CSMD1: variants seen among roughly 807,000 people sequenced by gnomAD.
The protein encoded by CSMD1 is CUB and Sushi multiple domains 1.
In CSMD1, 213 loss-of-function variants were observed where a neutral mutation model predicts 417.5. That is an observed-to-expected ratio of 0.51 (90% CI 0.46 to 0.57). The LOEUF (loss-of-function observed/expected upper bound fraction) is 0.57. Ranked by LOEUF, CSMD1 falls within the 20% of genes least tolerant of loss-of-function variation. CSMD1 has a pLI of 0.00. For synonymous variants in CSMD1, 2,862 were observed against 1,736.8 expected, an observed-to-expected ratio of 1.65 and a Z score of -16.11; for missense variants, 6,923 against 4,529.7, an observed-to-expected ratio of 1.53 and a Z score of -15.17.
At position 3,387,639 on chromosome 8, in the gene CSMD1, A is replaced by C; in HGVS notation, c.2637T>G (p.Pro879=). 6.2e-7 allele frequency: 1 copy of C among 1,600,912 alleles called. No individual in the cohort carries two copies. The highest frequency in any genetic ancestry group is 1.7e-5 in the Admixed American group (1 of 58,250). The change falls in exon 18 of 70, where the codon CCT becomes CCG. Residue 879 remains proline (P), a synonymous_variant. Coordinates refer to ENST00000635120, the MANE Select transcript of CSMD1 (RefSeq NM_033225.6). ...ESDSCLDPGI[P]VNGHRHGGDF... ...CTCCACCGTGGCGATGGCCGTTCACAGGGATGCCCGGGTCCAGGCAGGAAT... is the reference window on the plus strand; with the variant it reads ...CTCCACCGTGGCGATGGCCGTTCACCGGGATGCCCGGGTCCAGGCAGGAAT...
chr8:3,824,519 T>A (rs1801937453), intron 5 of CSMD1, among the ~76,000 whole-genome samples: 1 of 152,136 alleles, frequency 6.6e-6, no homozygotes, highest in Non-Finnish European at 1.5e-5. Flanking sequence ...ACGACACACT[T>A]AAAGCGTGAT....
rs1373233277 is a variant in CSMD1 at position 4,471,361 on chromosome 8, T to C, written c.303-51296A>G. ...TATCGCAGCTTATTTCTAGAAGACATTGGGTTAGACTATTTCTAATTTACT... is the reference window on the plus strand; with the variant it reads ...TATCGCAGCTTATTTCTAGAAGACACTGGGTTAGACTATTTCTAATTTACT... On this transcript the variant is annotated intron_variant, in intron 2 of 69. Transcript: ENST00000635120. Among the ~76,000 whole-genome samples, 13 of 152,134 alleles carry C rather than the reference T, an allele frequency of 8.5e-5. No individual in the cohort carries two copies. The East Asian group carries it at 1.7e-3, about 20-fold the overall frequency.
chr8:3,755,586 G>A (rs1054013885), intron 5 of CSMD1, among the ~76,000 whole-genome samples: 6 of 152,148 alleles, frequency 3.9e-5, no homozygotes, highest in African/African-American at 9.7e-5. Context: ...TTTCTACACA[G>A]ACGATTTCCT....
intron 3 of CSMD1, among the ~76,000 whole-genome samples, chr8:4,347,844 C>CA (rs11309360): frequency 1.6e-3 from 236 of 149,948 alleles, no homozygotes; most frequent in African/African-American, 4.4e-3. Flanking sequence ...TTCAAAGAAA[C>CA]AAAAAAAAAC....
intron 2 of CSMD1, among the ~76,000 whole-genome samples, chr8:4,479,353 C>A (rs1243090838): frequency 6.6e-6 from 1 of 152,020 alleles, no homozygotes; most frequent in Non-Finnish European, 1.5e-5. Context: ...TGCACTTTAC[C>A]ACATATGTCC....
intron 51 of CSMD1, among the ~76,000 whole-genome samples, chr8:3,029,095 C>G (rs1810150865): frequency 6.6e-6 from 1 of 151,978 alleles, no homozygotes; most frequent in Admixed American, 6.6e-5. Flanking sequence ...CAATTATTAA[C>G]AAGGAAAAGA....
intron 1 of CSMD1, among the ~76,000 whole-genome samples, chr8:4,929,339 T>G (rs1287987874): frequency 6.6e-6 from 1 of 152,148 alleles, no homozygotes; most frequent in Non-Finnish European, 1.5e-5. Flanking sequence ...CCACCTACCC[T>G]ATCACAGTTT....
At chr8:3,886,077 C>G (rs2627357) in intron 5 of CSMD1, among the ~76,000 whole-genome samples, 112,310 of 151,786 alleles carry the variant, frequency 0.74, 41,703 homozygotes, top group Middle Eastern at 0.82. Context: ...TTGAGACAGA[C>G]TCTTGCTCTG....
intron 3 of CSMD1, among the ~76,000 whole-genome samples, chr8:4,304,294 A>T (rs1196837567): frequency 6.6e-6 from 1 of 152,224 alleles, no homozygotes; most frequent in African/African-American, 2.4e-5. Context: ...TAACATGTTC[A>T]ATATAGAATA....
chr8:4,503,903 G>C (rs376937305), intron 2 of CSMD1, among the ~76,000 whole-genome samples: 1 of 149,644 alleles, frequency 6.7e-6, no homozygotes, highest in African/African-American at 2.5e-5. Flanking sequence ...ACCTGATTCT[G>C]CTTCAAAATT....
At position 4,959,456 on chromosome 8, in the gene CSMD1, C is replaced by G. The variant is rs147542195; in HGVS notation, c.85+34876G>C. Among the ~76,000 whole-genome samples, 407 of 152,318 alleles carry G rather than the reference C, an allele frequency of 2.7e-3. 3 individuals are homozygous for G. The highest frequency in any genetic ancestry group is 4.8e-3 in the Non-Finnish European group (328 of 68,030). On this transcript the variant is annotated intron_variant, in intron 1 of 69. Transcript: ENST00000635120. ...ACTAGTTGGGTAGCCTAACCATGCACAGAGAGGCAACGCCCTCAGGATATC... is the reference window on the plus strand; with the variant it reads ...ACTAGTTGGGTAGCCTAACCATGCAGAGAGAGGCAACGCCCTCAGGATATC...
At chr8:3,433,579 C>T (rs768393352) in intron 12 of CSMD1, among the ~76,000 whole-genome samples, 1 of 152,162 alleles carries the variant, frequency 6.6e-6, no homozygotes, top group Admixed American at 6.5e-5. Flanking sequence ...TAAAGCCATG[C>T]ACACGTGCCA....
intron 3 of CSMD1, among the ~76,000 whole-genome samples, chr8:4,246,955 T>C (rs910957002): frequency 4.6e-5 from 7 of 152,174 alleles, no homozygotes; most frequent in African/African-American, 1.7e-4. Flanking sequence ...TTGAAAACTA[T>C]GGAAACACTT....
intron 49 of CSMD1, among the ~76,000 whole-genome samples, chr8:3,077,290 A>T (rs1813751973): frequency 6.6e-6 from 1 of 152,210 alleles, no homozygotes; most frequent in African/African-American, 2.4e-5. Flanking sequence ...ACAAAAGGCC[A>T]CAGTGGGTGC....
At chr8:4,540,013 T>C (rs1006444678) in intron 2 of CSMD1, among the ~76,000 whole-genome samples, 8 of 152,148 alleles carry the variant, frequency 5.3e-5, no homozygotes, top group Non-Finnish European at 1.2e-4. Flanking sequence ...CGGGGCCCTC[T>C]TCCCCTCCTC....
intron 2 of CSMD1, among the ~76,000 whole-genome samples, chr8:4,485,124 T>G (rs1287229124): frequency 6.6e-6 from 1 of 150,750 alleles, no homozygotes; most frequent in Non-Finnish European, 1.5e-5. Flanking sequence ...TTTTTCCAAA[T>G]AAGGTCTTCG....
At position 3,439,148 on chromosome 8, in the gene CSMD1, AAAAACC is replaced by A. The variant is rs1343492886; in HGVS notation, c.1562-29549_1562-29544del. On this transcript the variant is annotated intron_variant, in intron 12 of 69. Transcript: ENST00000635120. ...AAAAAAAAAAAAAAAAAAAAAAAAA[AAAAACC>A]AAGAAAAAAAAAAGAAAAAGAAAAA... Among the ~76,000 whole-genome samples, 75 of 128,744 alleles carry A rather than the reference AAAAACC, an allele frequency of 5.8e-4. 5 individuals are homozygous for A. Among genetic ancestry groups the A allele is most frequent in the African/African-American group, 2.3e-3 (68 of 29,890 alleles). The allele number at this position is 128,744 out of a possible 152,430, so 84.5% of individuals were successfully genotyped here.
intron 3 of CSMD1, among the ~76,000 whole-genome samples, chr8:4,172,438 G>A (rs998602132): frequency 1.3e-5 from 2 of 151,982 alleles, no homozygotes; most frequent in Admixed American, 6.5e-5. Context: ...CATAGTCTAG[G>A]TTTCCCAGGT....
At chr8:3,253,544 TCCA>T (rs908414447) in intron 26 of CSMD1, among the ~76,000 whole-genome samples, 3 of 152,210 alleles carry the variant, frequency 2.0e-5, no homozygotes, top group Non-Finnish European at 4.4e-5. Context: ...GTCTATTAGG[TCCA>T]CTTGGAGCAG....
Sources: allele counts gnomAD v4.1 joint callset (sites outside exome capture counted in the v4.1 genomes callset), GRCh38; gene constraint gnomAD v4.1.1; transcripts MANE v1.5; gene names NCBI Gene and HGNC (gene_info 2026-07-23, HGNC 2026-07-21).